MUC17: variants seen among roughly 807,000 people sequenced by gnomAD.
MUC17 encodes the protein mucin 17, cell surface associated.
In MUC17, 190 loss-of-function variants were observed where a neutral mutation model predicts 170.3. That is an observed-to-expected ratio of 1.12 (90% CI 0.99 to 1.26). MUC17 has a LOEUF of 1.26. Ranked by LOEUF, MUC17 falls within the 50% of genes most tolerant of loss-of-function variation. The pLI, the probability that MUC17 is intolerant of heterozygous loss-of-function variation, is 0.00. For synonymous variants in MUC17, 2,325 were observed against 2,002.5 expected, an observed-to-expected ratio of 1.16 and a Z score of -4.30; for missense variants, 6,415 against 5,530.0, an observed-to-expected ratio of 1.16 and a Z score of -5.08.
rs761993298 is a variant in MUC17 at position 101,034,945 on chromosome 7, G to A, written c.3529G>A (p.Ala1177Thr). 1 of 1,613,848 alleles carries A rather than the reference G, an allele frequency of 6.2e-7. No individual in the cohort carries two copies. The highest frequency in any genetic ancestry group is 1.1e-5 in the South Asian group (1 of 91,082). The part of the protein sequence containing the change: ...VSTTLVVSSE[A>T]NTLSTTPVDS... Reference sequence around the variant, plus strand: ...CACCACGCTGGTGGTCAGTTCTGAGGCTAACACCCTTTCAACAACTCCTGT... The same window carrying A: ...CACCACGCTGGTGGTCAGTTCTGAGACTAACACCCTTTCAACAACTCCTGT... The change falls in exon 3 of 13, where the codon GCT (alanine) becomes ACT (threonine). Residue 1177 changes from alanine to threonine, a missense_variant. By Grantham distance (58) the Ala-to-Thr change is moderately conservative (BLOSUM62 0). Coordinates refer to ENST00000306151, the MANE Select transcript of MUC17 (RefSeq NM_001040105.2).
In MUC17 at chr7:101,040,449, T is replaced by C; in HGVS notation, c.9033T>C (p.Pro3011=). 6.2e-7 allele frequency: 1 copy of C among 1,612,056 alleles called. No homozygotes were observed. The highest frequency in any genetic ancestry group is 8.5e-7 in the Non-Finnish European group (1 of 1,179,114). The change falls in exon 3 of 13, where the codon CCT becomes CCC. Residue 3011 remains proline, a synonymous_variant. Coordinates refer to ENST00000306151, the MANE Select transcript of MUC17 (RefSeq NM_001040105.2). ...AGGCTAGCACCCTTTCAAGAACTCC[T>C]GCTGACACCAGCACACCTGTGACCA... ...SSEASTLSRT[P]ADTSTPVTTS...
chr7:101,026,261 C>T (rs1199083989), intron 1 of MUC17, among the ~76,000 whole-genome samples: 5 of 152,224 alleles, frequency 3.3e-5, no homozygotes, highest in Non-Finnish European at 7.3e-5. Flanking sequence ...AGGGGCCAGG[C>T]CCAGGCAGGG....
Position 101,039,495 on chromosome 7 carries a change from A to C in MUC17, c.8079A>C (p.Pro2693=). The change falls in exon 3 of 13, where the codon CCA becomes CCC. Residue 2693 remains proline, a synonymous_variant. Coordinates refer to ENST00000306151, the MANE Select transcript of MUC17 (RefSeq NM_001040105.2). ...PTSTPGERST[P]LTNILVSTTL... ...CAACTCCTGGTGAAAGAAGCACTCC[A>C]TTAACAAATATACTTGTCAGCACCA... 1 of 1,611,256 alleles carries C rather than the reference A, an allele frequency of 6.2e-7. No individual in the cohort carries two copies. The highest frequency in any genetic ancestry group is 8.5e-7 in the Non-Finnish European group (1 of 1,178,798).
Position 101,052,841 on chromosome 7 carries a change from A to T in MUC17, c.13104-145A>T, listed in dbSNP as rs1219885810. 5.8e-6 allele frequency: 5 copies of T among 859,368 alleles called. No individual in the cohort carries two copies. In the African/African-American group the frequency reaches 6.9e-5, roughly 12 times the overall value. 53.2% of individuals were successfully genotyped at this position (859,368 alleles called of 1,614,324 possible). ...GGGATGCTGGTCTTCATCTCTGTTC[A>T]TCCCCTCGGGGTGCCTTGCTTTATG... On this transcript the variant is annotated intron_variant, in intron 9 of 12. Transcript: ENST00000306151.
intron 6 of MUC17, 74 bp from the exon 7 acceptor site, chr7:101,050,410 G>A: frequency 1.3e-6 from 2 of 1,550,090 alleles, no homozygotes; most frequent in Non-Finnish European, 1.7e-6. Flanking sequence ...CAGAGAGGGT[G>A]AAGCTTGCCT....
At chr7:101,046,103 T>C (rs1794835779) in intron 3 of MUC17, among the ~76,000 whole-genome samples, 1 of 152,190 alleles carries the variant, frequency 6.6e-6, no homozygotes, top group African/African-American at 2.4e-5. Context: ...ATTTAGGATG[T>C]ATGGGTTTCC....
In MUC17 at chr7:101,035,619, A is replaced by G. The variant is rs557774925; in HGVS notation, c.4203A>G (p.Ile1401Met). The change falls in exon 3 of 13, where the codon ATA becomes ATG. Residue 1401 changes from isoleucine (I) to methionine (M), a missense_variant. Physicochemically the swap from Ile to Met is conservative, Grantham distance 10 (BLOSUM62 1). Coordinates refer to ENST00000306151, the MANE Select transcript of MUC17 (RefSeq NM_001040105.2). ...PSEGTTPLTS[I>M]PVSTTPVVSS... ...AAGGAACCACTCCGTTAACAAGTAT[A>G]CCTGTCAGCACCACGCCGGTAGTCA... The G allele has an allele frequency of 1.5e-5, 24 of 1,612,290 alleles. No individual in the cohort carries two copies. The East Asian group carries it at 4.7e-4, about 32-fold the overall frequency.
chr7:101,032,081 C>CT lies in MUC17; in HGVS notation c.666dup (p.Ala223CysfsTer20). Reference sequence around the variant, plus strand: ...GGAAGCACTCCATTAACAAGTATGCCTGCCAGCACCATGAAGGTGGCCAGT... The same window carrying CT: ...GGAAGCACTCCATTAACAAGTATGCCTTGCCAGCACCATGAAGGTGGCCAGT... On this transcript the variant is annotated frameshift_variant, in exon 3 of 13. Transcript: ENST00000306151. LOFTEE classifies it high-confidence loss of function. 6.2e-7 allele frequency: 1 copy of CT among 1,614,164 alleles called. No individual in the cohort carries two copies. The highest frequency in any genetic ancestry group is 1.1e-5 in the South Asian group (1 of 91,078).
chr7:101,025,858 T>G (rs192215772), intron 1 of MUC17, among the ~76,000 whole-genome samples: 2 of 150,666 alleles, frequency 1.3e-5, no homozygotes, highest in Non-Finnish European at 2.9e-5. Flanking sequence ...CTTGGGAGAC[T>G]GAAGTTGAAG....
Position 101,043,701 on chromosome 7 carries a change from G to A in MUC17, c.12285G>A (p.Arg4095=), listed in dbSNP as rs369425707. 7 of 1,613,832 alleles carry A rather than the reference G, an allele frequency of 4.3e-6. No individual in the cohort carries two copies. Among genetic ancestry groups the A allele is most frequent in the Non-Finnish European group, 5.9e-6 (7 of 1,180,006 alleles). The stretch of plus-strand genomic sequence containing the variant: ...AGGCTGTCACCACCATGACCACCAG[G>A]ACAAAACCCAGCACACGGACCACTT... ...NPEAVTTMTT[R]TKPSTRTTSF... The change falls in exon 3 of 13, where the codon AGG becomes AGA. Residue 4095 remains arginine (R), a synonymous_variant. Transcript: ENST00000306151.
Position 101,034,745 on chromosome 7 carries a change from C to G in MUC17, c.3329C>G (p.Thr1110Ser). 1 of 1,606,962 alleles carries G rather than the reference C, an allele frequency of 6.2e-7. No individual in the cohort carries two copies. ...CCACTAACAAGTGTGCCTGTCAGCACCAGGCTGGTGGTCAGTTCTGAGGCT... is the reference window on the plus strand; with the variant it reads ...CCACTAACAAGTGTGCCTGTCAGCAGCAGGCTGGTGGTCAGTTCTGAGGCT... ...STPLTSVPVS[T>S]RLVVSSEAST... The change falls in exon 3 of 13, where the codon ACC (threonine) becomes AGC (serine). Residue 1110 changes from threonine to serine, a missense_variant. Transcript: ENST00000306151.
Position 101,037,717 on chromosome 7 carries a change from A to C in MUC17, c.6301A>C (p.Ser2101Arg), listed in dbSNP as rs756571702. 6.1e-5 allele frequency: 98 copies of C among 1,613,182 alleles called. No individual in the cohort carries two copies. Among genetic ancestry groups the C allele is most frequent in the Non-Finnish European group, 7.4e-5 (87 of 1,179,814 alleles). Reference sequence around the variant, plus strand: ...GACAATCTCAGCTCCTAGTGAAGGAAGTCCTCTACTAACAAGTATACCTCT... The same window carrying C: ...GACAATCTCAGCTCCTAGTGAAGGACGTCCTCTACTAACAAGTATACCTCT... The part of the protein sequence containing the change: ...SMTISAPSEG[S>R]PLLTSIPLST... Residue 2101 changes from serine to arginine, a missense_variant, in exon 3 of 13, where the codon AGT (serine) becomes CGT (arginine). Transcript: ENST00000306151.
chr7:101,038,195 C>T lies in MUC17; in HGVS notation c.6779C>T (p.Ser2260Phe), dbSNP rs1794553434. The change falls in exon 3 of 13, where the codon TCT becomes TTT. Residue 2260 changes from serine to phenylalanine, a missense_variant. Ser to Phe is a radical substitution (Grantham distance 155). Transcript: ENST00000306151. The stretch of plus-strand genomic sequence containing the variant: ...ACCACTTCTACTGAAGCCACTTCAT[C>T]TCCTACAACTGCTGAAGGTACCAGC... The part of the protein sequence containing the change: ...PVTTSTEATS[S>F]PTTAEGTSIP... 2 of 1,613,908 alleles carry T rather than the reference C, an allele frequency of 1.2e-6. No homozygotes were observed. Among genetic ancestry groups the T allele is most frequent in the African/African-American group, 1.3e-5 (1 of 74,882 alleles).
chr7:101,040,979 C>T lies in MUC17; in HGVS notation c.9563C>T (p.Pro3188Leu), dbSNP rs1794681102. 1 of 1,613,746 alleles carries T rather than the reference C, an allele frequency of 6.2e-7. No homozygotes were observed. Residue 3188 changes from proline to leucine, a missense_variant, in exon 3 of 13, where the codon CCT becomes CTT. Physicochemically the swap from Pro to Leu is moderately conservative, Grantham distance 98. Transcript: ENST00000306151. ...SSEDSTLSAT[P>L]VDTSTPVTTS... ...GAGGATAGCACCCTTTCAGCAACTC[C>T]TGTTGACACCAGCACACCTGTGACC... is the stretch of plus-strand genomic sequence containing the variant.
In MUC17 at chr7:101,043,108, C is replaced by A. The variant is rs1794764819; in HGVS notation, c.11692C>A (p.Pro3898Thr). Residue 3898 changes from proline (P) to threonine (T), a missense_variant, in exon 3 of 13, where the codon CCT (proline) becomes ACT (threonine). Physicochemically the swap from Pro to Thr is conservative, Grantham distance 38. Transcript: ENST00000306151. ...SFPGASIAST[P>T]PLDTSTTFTP... Reference sequence around the variant, plus strand: ...TCCTGGGGCCAGCATAGCTTCGACACCTCCTCTTGACACAAGCACAACTTT... The same window carrying A: ...TCCTGGGGCCAGCATAGCTTCGACAACTCCTCTTGACACAAGCACAACTTT... 1 of 1,614,176 alleles carries A rather than the reference C, an allele frequency of 6.2e-7. No homozygotes were observed. The highest frequency in any genetic ancestry group is 8.5e-7 in the Non-Finnish European group (1 of 1,180,030).
In MUC17 at chr7:101,058,749, G is replaced by A. The variant is rs1795097120; in HGVS notation, c.*705G>A. 1 of 152,074 alleles carries A rather than the reference G, an allele frequency of 6.6e-6. No homozygotes were observed. Among genetic ancestry groups the A allele is most frequent in the South Asian group, 2.1e-4 (1 of 4,824 alleles). The allele number at this position is 152,074 out of a possible 1,614,324, so 9.4% of individuals were successfully genotyped here. On this transcript the variant is annotated 3_prime_UTR_variant, in exon 13 of 13. Transcript: ENST00000306151. ...CATTTACCTTTTGGTATATAAGATT[G>A]TGGGTATTTTTTAAGTTCTTATTGT...
chr7:101,038,197 C>T lies in MUC17; in HGVS notation c.6781C>T (p.Pro2261Ser). Residue 2261 changes from proline (P) to serine (S), a missense_variant, in exon 3 of 13, where the codon CCT (proline) becomes TCT (serine). Coordinates refer to ENST00000306151, the MANE Select transcript of MUC17 (RefSeq NM_001040105.2). ...VTTSTEATSS[P>S]TTAEGTSIPT... Reference sequence around the variant, plus strand: ...CACTTCTACTGAAGCCACTTCATCTCCTACAACTGCTGAAGGTACCAGCAT... The same window carrying T: ...CACTTCTACTGAAGCCACTTCATCTTCTACAACTGCTGAAGGTACCAGCAT... 6.2e-7 allele frequency: 1 copy of T among 1,614,020 alleles called. No homozygotes were observed.
At position 101,041,550 on chromosome 7, in the gene MUC17, T is replaced by A. The variant is rs747969485; in HGVS notation, c.10134T>A (p.Ser3378Arg). Reference protein sequence around the residue: ...STPVTTSTEASLSPTTAEGTS... With the variant: ...STPVTTSTEARLSPTTAEGTS... ...CTGTCACCACTTCTACTGAAGCCAG[T>A]TTATCTCCTACAACTGCTGAAGGTA... Residue 3378 changes from serine to arginine, a missense_variant, in exon 3 of 13, where the codon AGT becomes AGA. Physicochemically the swap from Ser to Arg is moderately radical, Grantham distance 110. Coordinates refer to ENST00000306151, the MANE Select transcript of MUC17 (RefSeq NM_001040105.2). 6.2e-7 allele frequency: 1 copy of A among 1,612,308 alleles called. No homozygotes were observed. The highest frequency in any genetic ancestry group is 8.5e-7 in the Non-Finnish European group (1 of 1,179,664).
rs1794447860 is a variant in MUC17 at position 101,035,623 on chromosome 7, G to A, written c.4207G>A (p.Val1403Ile). The change falls in exon 3 of 13, where the codon GTC (valine) becomes ATC (isoleucine). Residue 1403 changes from valine (V) to isoleucine (I), a missense_variant. By Grantham distance (29) the Val-to-Ile change is conservative (BLOSUM62 3). Coordinates refer to ENST00000306151, the MANE Select transcript of MUC17 (RefSeq NM_001040105.2). ...AACCACTCCGTTAACAAGTATACCT[G>A]TCAGCACCACGCCGGTAGTCAGTTC... ...EGTTPLTSIPVSTTPVVSSEA... is the reference protein window; with the variant it reads ...EGTTPLTSIPISTTPVVSSEA... 2.5e-6 allele frequency: 4 copies of A among 1,613,360 alleles called. No individual in the cohort carries two copies. Among genetic ancestry groups the A allele is most frequent in the African/African-American group, 1.3e-5 (1 of 74,854 alleles).
Sources: gnomAD v4.1 joint callset for allele counts (sites outside exome capture counted in the v4.1 genomes callset) on GRCh38, gnomAD v4.1.1 for gene constraint, MANE v1.5 for transcripts, NCBI Gene and HGNC (gene_info 2026-07-23, HGNC 2026-07-21) for gene names.